Variants in PIEZO2 observed in about 807,000 individuals in gnomAD.
PIEZO2 encodes the protein piezo-type mechanosensitive ion channel component 2.
Under a neutral mutation model 337.3 loss-of-function variants are expected in PIEZO2, and 172 were observed. The ratio of observed to expected loss-of-function variants is 0.51; its 90% CI spans 0.45 to 0.58. The LOEUF is 0.58. PIEZO2 is among the 20% of genes least tolerant of loss of function. The probability of loss-of-function intolerance (pLI) is 0.00; values close to 1 mark genes in which losing one functional copy is unlikely to be tolerated. For synonymous variants in PIEZO2, 1,251 were observed against 1,228.5 expected, an observed-to-expected ratio of 1.02 and a Z score of -0.38; for missense variants, 3,028 against 3,391.3, an observed-to-expected ratio of 0.89 and a Z score of 2.66.
intron 2 of PIEZO2, among the ~76,000 whole-genome samples, chr18:11,060,535 G>A (rs139203987): frequency 0.031 from 4,773 of 152,152 alleles, 104 homozygotes; most frequent in South Asian, 0.1. Context: ...AGAAAAGAGA[G>A]AAGAATCAAA....
At position 10,671,427 on chromosome 18, in the gene PIEZO2, C is replaced by A; in HGVS notation, c.*100G>T. 1.5e-6 allele frequency: 2 copies of A among 1,292,762 alleles called. No homozygotes were observed. Among genetic ancestry groups the A allele is most frequent in the South Asian group, 1.6e-5 (1 of 63,298 alleles). 80.1% of individuals were successfully genotyped at this position (1,292,762 alleles called of 1,614,324 possible). ...GTCTACCTATCAGAAGAGAAACAAA[C>A]CATTTCCGTCGAACTAGAAATGCTT... On this transcript the variant is annotated 3_prime_UTR_variant, in exon 56 of 56. Coordinates refer to ENST00000674853, the MANE Select transcript of PIEZO2 (RefSeq NM_001378183.1).
intron 2 of PIEZO2, among the ~76,000 whole-genome samples, chr18:11,039,620 G>T (rs2037043802): frequency 6.6e-6 from 1 of 151,922 alleles, no homozygotes; most frequent in Admixed American, 6.6e-5. Context: ...AACTTAAGAA[G>T]TGAGGTTATA....
At chr18:10,691,510 A>C (rs1357735973) in intron 47 of PIEZO2, 127 bp from the exon 48 acceptor site, 1 of 950,440 alleles carries the variant, frequency 1.1e-6, no homozygotes, top group East Asian at 2.6e-5. Flanking sequence ...ATTCTAATGA[A>C]CTGTCTACAC....
Position 10,775,512 on chromosome 18 carries a change from T to G in PIEZO2, c.2535-1474A>C, listed in dbSNP as rs1320211601. On this transcript the variant is annotated intron_variant, in intron 18 of 55. Coordinates refer to ENST00000674853, the MANE Select transcript of PIEZO2 (RefSeq NM_001378183.1). The surrounding 1 kb of genome is among the most constrained non-coding windows in gnomAD (Gnocchi z 4.3). ...CAGAGTGAATCTTAAAGGTCTACAT[T>G]GACACTGCTGCAATCTCATACGACA... 2.0e-5 allele frequency among the ~76,000 whole-genome samples: 3 copies of G among 152,180 alleles called. No individual in the cohort carries two copies. The highest frequency in any genetic ancestry group is 4.4e-5 in the Non-Finnish European group (3 of 68,032).
chr18:10,758,530 C>T (rs894914799), intron 26 of PIEZO2, among the ~76,000 whole-genome samples: 7 of 152,044 alleles, frequency 4.6e-5, no homozygotes, highest in Non-Finnish European at 1.0e-4. Flanking sequence ...ACTGCAAGCC[C>T]CACCTCCTGG....
chr18:10,773,429 T>A lies in PIEZO2; in HGVS notation c.2768A>T (p.Glu923Val). Residue 923 changes from glutamate (E) to valine (V), a missense_variant, in exon 20 of 56, where the codon GAG becomes GTG. Physicochemically the swap from Glu to Val is moderately radical, Grantham distance 121. Around this residue, in one of 5 missense-constraint regions of PIEZO2, gnomAD observed 1,925 missense variants for 2,051.9 expected, o/e 0.94. Coordinates refer to ENST00000674853, the MANE Select transcript of PIEZO2 (RefSeq NM_001378183.1). This position sits in a 1 kb window ranked among gnomAD's most constrained non-coding sequence, Gnocchi z 5.3. ...CTGATTACCTGATGTTTCTTCCTCC[T>A]CCTCGGATTCCTCCTCTTCCTCTCC... ...EDGEEEEESE[E>V]EEETSDLRNK... The A allele has an allele frequency of 1.3e-6, 2 of 1,537,348 alleles. No individual in the cohort carries two copies. Among genetic ancestry groups the A allele is most frequent in the Non-Finnish European group, 1.7e-6 (2 of 1,146,958 alleles).
intron 49 of PIEZO2, among the ~76,000 whole-genome samples, chr18:10,687,380 A>C (rs1248270556): frequency 6.6e-6 from 1 of 152,010 alleles, no homozygotes; most frequent in Non-Finnish European, 1.5e-5. Flanking sequence ...CCATTTTATT[A>C]ACACCTGTTT....
intron 2 of PIEZO2, among the ~76,000 whole-genome samples, chr18:11,052,522 T>A (rs2037567508): frequency 1.3e-5 from 2 of 152,222 alleles, no homozygotes; most frequent in Non-Finnish European, 2.9e-5. Context: ...AGTCTTTTTT[T>A]AAATTTGACA....
intron 2 of PIEZO2, among the ~76,000 whole-genome samples, chr18:11,056,110 T>C (rs1280242767): frequency 6.6e-6 from 1 of 152,068 alleles, no homozygotes; most frequent in Admixed American, 6.5e-5. Flanking sequence ...GCTCTTGCAG[T>C]GGGGGCCTCA....
intron 36 of PIEZO2, among the ~76,000 whole-genome samples, chr18:10,718,994 TAAA>T (rs1567981738): frequency 1.4e-4 from 21 of 149,916 alleles, no homozygotes; most frequent in African/African-American, 4.9e-4. Context: ...AATAAATAAA[TAAA>T]TAAATAAATA....
At chr18:11,086,246 C>A (rs546855927) in intron 1 of PIEZO2, among the ~76,000 whole-genome samples, 272 of 152,140 alleles carry the variant, frequency 1.8e-3, no homozygotes, top group African/African-American at 6.3e-3. Context: ...CAGGGCCGGG[C>A]GCAGTGGCTC....
Position 10,704,584 on chromosome 18 carries a change from A to G in PIEZO2, c.6068T>C (p.Leu2023Pro). The G allele has an allele frequency of 6.5e-7, 1 of 1,537,314 alleles. No individual in the cohort carries two copies. Among genetic ancestry groups the G allele is most frequent in the Non-Finnish European group, 8.7e-7 (1 of 1,146,916 alleles). The change falls in exon 42 of 56, where the codon CTC becomes CCC. Residue 2023 changes from leucine (L) to proline (P), a missense_variant. Leu to Pro is a moderately conservative substitution (Grantham distance 98). Around this residue, in one of 5 missense-constraint regions of PIEZO2, gnomAD observed 1,925 missense variants for 2,051.9 expected, o/e 0.94. Transcript: ENST00000674853. ...FYVGQPRFLL[L>P]FYAMYNTLVA... ...CAGGGTATTGTACATGGCATAGAAG[A>G]GCAGCAGAAATCGGGGCTGCCCCAC...
intron 1 of PIEZO2, among the ~76,000 whole-genome samples, chr18:11,073,005 A>G (rs2038401638): frequency 6.6e-6 from 1 of 152,230 alleles, no homozygotes. Context: ...TGTTGTTTCA[A>G]ATTTTTATAA....
chr18:11,145,480 G>T (rs895562952), intron 1 of PIEZO2, among the ~76,000 whole-genome samples: 1 of 152,174 alleles, frequency 6.6e-6, no homozygotes, highest in African/African-American at 2.4e-5. Flanking sequence ...TTAAAGAAAT[G>T]AGCTTAAAGG....
At position 10,724,682 on chromosome 18, in the gene PIEZO2, T is replaced by C. The variant is rs373198743; in HGVS notation, c.5030-6423A>G. 81 of 1,026,168 alleles carry C rather than the reference T, an allele frequency of 7.9e-5. No individual in the cohort carries two copies. In the African/African-American group the frequency reaches 1.1e-3, roughly 14 times the overall value. 63.6% of individuals were successfully genotyped at this position (1,026,168 alleles called of 1,614,324 possible). On this transcript the variant is annotated intron_variant, in intron 36 of 55. Transcript: ENST00000674853. This position sits in a 1 kb window ranked among gnomAD's most constrained non-coding sequence, Gnocchi z 5.8. ...CCCACCAGCCCACCTACCAGTCTGC[T>C]GTCCCTGCGTCATAGGCTGAAGCAC...
In PIEZO2 at chr18:11,021,521, C is replaced by T. The variant is rs1199326751; in HGVS notation, c.161-41861G>A. Reference sequence around the variant, plus strand: ...TGAGTTGAGTTTCTGAGCAGACTCTCCTGCTTCAGCCGCCAATGGCGTTTA... The same window carrying T: ...TGAGTTGAGTTTCTGAGCAGACTCTTCTGCTTCAGCCGCCAATGGCGTTTA... On this transcript the variant is annotated intron_variant, in intron 2 of 55. Transcript: ENST00000674853. The surrounding 1 kb of genome is among the most constrained non-coding windows in gnomAD (Gnocchi z 4.7). Among the ~76,000 whole-genome samples the T allele has an allele frequency of 6.6e-6, 1 of 152,170 alleles. No individual in the cohort carries two copies. Among genetic ancestry groups the T allele is most frequent in the African/African-American group, 2.4e-5 (1 of 41,440 alleles).
At position 10,813,931 on chromosome 18, in the gene PIEZO2, A is replaced by G. The variant is rs941485225; in HGVS notation, c.918-6657T>C. On this transcript the variant is annotated intron_variant, in intron 7 of 55. Transcript: ENST00000674853. The surrounding 1 kb of genome is among the most constrained non-coding windows in gnomAD (Gnocchi z 4.2). ...CAAGTCTTGTTATTTTATGCTTTTC[A>G]GAGTAGTCATCCTAATAGGTGTGAG... Among the ~76,000 whole-genome samples, 4 of 151,822 alleles carry G rather than the reference A, an allele frequency of 2.6e-5. No homozygotes were observed. Among genetic ancestry groups the G allele is most frequent in the African/African-American group, 9.7e-5 (4 of 41,290 alleles).
At position 10,746,960 on chromosome 18, in the gene PIEZO2, C is replaced by T. The variant is rs1313257012; in HGVS notation, c.4424+1511G>A. On this transcript the variant is annotated intron_variant, in intron 30 of 55. Transcript: ENST00000674853. The surrounding 1 kb of genome is among the most constrained non-coding windows in gnomAD (Gnocchi z 4.2). ...GTAGTAGAATTGCTTGCTCATGTGC[C>T]ACTTTCCTGCTACTCTGTGAGCTCT... Among the ~76,000 whole-genome samples, 1 of 152,146 alleles carries T rather than the reference C, an allele frequency of 6.6e-6. No individual in the cohort carries two copies. The highest frequency in any genetic ancestry group is 3.2e-3 in the Middle Eastern group (1 of 316).
At chr18:10,674,452 G>C (rs774797961) in intron 54 of PIEZO2, among the ~76,000 whole-genome samples, 1 of 152,220 alleles carries the variant, frequency 6.6e-6, no homozygotes, top group African/African-American at 2.4e-5. Context: ...TGTGGAGCCC[G>C]GCCTTTTGCC....
Sources: gnomAD v4.1 joint callset for allele counts (sites outside exome capture counted in the v4.1 genomes callset) on GRCh38, gnomAD v4.1.1 for gene constraint, gnomAD v4.1.1 regional missense constraint, Gnocchi (gnomAD v3.1) non-coding constraint, MANE v1.5 for transcripts, NCBI Gene and HGNC (gene_info 2026-07-23, HGNC 2026-07-21) for gene names.